The following ALX1 variants were observed in gnomAD, a reference collection of about 807,000 sequenced individuals.
ALX1 encodes ALX homeobox 1.
In ALX1, 19 loss-of-function variants were observed where a neutral mutation model predicts 31.7. The ratio of observed to expected loss-of-function variants is 0.60; its 90% CI spans 0.42 to 0.88. ALX1 has a LOEUF of 0.88. Among genes scored for constraint, ALX1 ranks in the 40% least tolerant of loss-of-function variants. The pLI is 0.00. For missense variants in ALX1, 415 were observed against 407.8 expected (o/e 1.02, Z -0.15); for synonymous variants, 153 against 148.8 (o/e 1.03, Z -0.20).
intron 3 of ALX1, among the ~76,000 whole-genome samples, chr12:85,293,052 T>C (rs1486945168): frequency 2.0e-5 from 3 of 150,742 alleles, no homozygotes; most frequent in Admixed American, 6.6e-5. Flanking sequence ...CTTGTATGAC[T>C]TATGACCAAA....
chr12:85,280,514 C>G, intron 1 of ALX1, 27 bp downstream of exon 1: 1 of 1,602,502 alleles, frequency 6.2e-7, no homozygotes, highest in South Asian at 1.1e-5. Flanking sequence ...CCAGCCGGAG[C>G]CGCCGCAGCC....
chr12:85,290,664 A>T (rs1896806465), intron 3 of ALX1, among the ~76,000 whole-genome samples: 1 of 151,164 alleles, frequency 6.6e-6, no homozygotes, highest in African/African-American at 2.4e-5. Context: ...TTGGCTCAAG[A>T]TATCAGTTGC....
chr12:85,280,523 C>G (rs1189924555), intron 1 of ALX1, 36 bp downstream of exon 1: 17 of 1,599,180 alleles, frequency 1.1e-5, no homozygotes, highest in Non-Finnish European at 1.4e-5. Flanking sequence ...GCCGCCGCAG[C>G]CCTTCCGCAA....
At chr12:85,290,973 T>C (rs1896810576) in intron 3 of ALX1, among the ~76,000 whole-genome samples, 1 of 151,172 alleles carries the variant, frequency 6.6e-6, no homozygotes, top group Admixed American at 6.6e-5. Context: ...GATGGTCTGC[T>C]ATGAATTGAG....
intron 3 of ALX1, among the ~76,000 whole-genome samples, chr12:85,295,266 A>G (rs1896872165): frequency 6.6e-6 from 1 of 151,424 alleles, no homozygotes; most frequent in Non-Finnish European, 1.5e-5. Flanking sequence ...TAAATAGAAA[A>G]GTTAATGGGA....
intron 3 of ALX1, among the ~76,000 whole-genome samples, chr12:85,287,505 G>T (rs1354806126): frequency 6.7e-6 from 1 of 149,880 alleles, no homozygotes; most frequent in African/African-American, 2.4e-5. Flanking sequence ...TCCACATTTG[G>T]TCCTGTTTGA....
Position 85,280,476 on chromosome 12 carries a change from A to G in ALX1, c.215A>G (p.Gln72Arg). 1.2e-6 allele frequency: 2 copies of G among 1,611,046 alleles called. No individual in the cohort carries two copies. The highest frequency in any genetic ancestry group is 1.7e-6 in the Non-Finnish European group (2 of 1,179,952). The change falls in exon 1 of 4, where the codon CAG becomes CGG. Residue 72 changes from glutamine to arginine, a missense_variant. This residue lies in a region of ALX1 where 235 missense variants were observed against 208.9 expected (regional missense o/e 1.13). Coordinates refer to ENST00000316824, the MANE Select transcript of ALX1 (RefSeq NM_006982.3). ...HVRLERTSPC[Q>R]DSSVNYGITK... is the part of the protein sequence containing the mutation. ...CGCTTGGAGAGGACCTCGCCCTGTCAGGACAGCAGCGGTGAGTCGCTAGCG... is the reference window on the plus strand; with the variant it reads ...CGCTTGGAGAGGACCTCGCCCTGTCGGGACAGCAGCGGTGAGTCGCTAGCG...
chr12:85,301,562 T>C lies in ALX1; in HGVS notation c.*87T>C, dbSNP rs1896967689. Reference sequence around the variant, plus strand: ...TAAAGGATACCACAATAAGCTGCTGTGTGTGGAATTGCTAAAGGTCAAGAT... The same window carrying C: ...TAAAGGATACCACAATAAGCTGCTGCGTGTGGAATTGCTAAAGGTCAAGAT... On this transcript the variant is annotated 3_prime_UTR_variant, in exon 4 of 4. Coordinates refer to ENST00000316824, the MANE Select transcript of ALX1 (RefSeq NM_006982.3). The C allele has an allele frequency of 7.3e-7, 1 of 1,369,756 alleles. No homozygotes were observed. The highest frequency in any genetic ancestry group is 1.0e-6 in the Non-Finnish European group (1 of 979,160). 84.9% of individuals were successfully genotyped at this position (1,369,756 alleles called of 1,614,324 possible).
At chr12:85,294,750 A>G (rs1369075027) in intron 3 of ALX1, among the ~76,000 whole-genome samples, 2 of 151,086 alleles carry the variant, frequency 1.3e-5, no homozygotes, top group South Asian at 2.1e-4. Flanking sequence ...CTCTTAAATT[A>G]TCAGTCTCAT....
At chr12:85,283,027 G>A (rs541345693) in intron 1 of ALX1, among the ~76,000 whole-genome samples, 1 of 152,258 alleles carries the variant, frequency 6.6e-6, no homozygotes, top group South Asian at 2.1e-4. Context: ...TGGATATAAA[G>A]TTGAAATATT....
chr12:85,289,212 A>G (rs1896786054), intron 3 of ALX1, among the ~76,000 whole-genome samples: 1 of 151,166 alleles, frequency 6.6e-6, no homozygotes, highest in Non-Finnish European at 1.5e-5. Flanking sequence ...ATCAATTAAG[A>G]CCTATATAAA....
intron 3 of ALX1, among the ~76,000 whole-genome samples, chr12:85,296,003 A>G (rs1896883350): frequency 6.6e-6 from 1 of 151,564 alleles, no homozygotes; most frequent in Non-Finnish European, 1.5e-5. Context: ...CTATCATGAA[A>G]CTATTTTTTT....
chr12:85,293,413 A>G (rs963889787), intron 3 of ALX1, among the ~76,000 whole-genome samples: 1 of 150,316 alleles, frequency 6.7e-6, no homozygotes, highest in African/African-American at 2.4e-5. Flanking sequence ...ATTTAATGAA[A>G]AAAATTTTAA....
intron 3 of ALX1, among the ~76,000 whole-genome samples, chr12:85,295,123 C>A (rs987023744): frequency 6.6e-6 from 1 of 151,014 alleles, no homozygotes; most frequent in Non-Finnish European, 1.5e-5. Flanking sequence ...CTTTTCATTG[C>A]TTAATTAATT....
intron 1 of ALX1, among the ~76,000 whole-genome samples, chr12:85,282,384 G>C (rs1896687073): frequency 2.0e-5 from 3 of 151,812 alleles, no homozygotes. Flanking sequence ...TTTATTATGA[G>C]AACATTTTTG....
intron 2 of ALX1, among the ~76,000 whole-genome samples, chr12:85,285,380 A>C (rs2137378748): frequency 6.6e-6 from 1 of 152,136 alleles, no homozygotes; most frequent in Middle Eastern, 3.4e-3. Context: ...ATAAAACCCA[A>C]AAACGTATTA....
At chr12:85,297,281 G>C (rs185201488) in intron 3 of ALX1, among the ~76,000 whole-genome samples, 3 of 151,542 alleles carry the variant, frequency 2.0e-5, no homozygotes, top group Non-Finnish European at 4.4e-5. Flanking sequence ...GCTATGTATT[G>C]GTAAGGGTAA....
intron 3 of ALX1, among the ~76,000 whole-genome samples, chr12:85,300,308 G>A (rs555246113): frequency 5.3e-5 from 8 of 151,998 alleles, no homozygotes; most frequent in South Asian, 4.1e-4. Flanking sequence ...TTAATAATAC[G>A]AAGTGTGAAT....
chr12:85,290,058 A>G (rs1565941920), intron 3 of ALX1, among the ~76,000 whole-genome samples: 1 of 151,290 alleles, frequency 6.6e-6, no homozygotes. Flanking sequence ...TTTGGCAGAA[A>G]GAAAAGCCAT....
Sources: allele counts gnomAD v4.1 joint callset (sites outside exome capture counted in the v4.1 genomes callset), GRCh38; gene constraint gnomAD v4.1.1; regional missense constraint gnomAD v4.1.1; transcripts MANE v1.5; gene names NCBI Gene and HGNC (gene_info 2026-07-23, HGNC 2026-07-21).